TG: variants seen among roughly 807,000 people sequenced by gnomAD.
TG encodes the protein thyroid hormones.
In TG, 270 loss-of-function variants were observed where a neutral mutation model predicts 324.7. The ratio of observed to expected loss-of-function variants is 0.83; its 90% CI spans 0.75 to 0.92. TG has a LOEUF of 0.92. Among genes scored for constraint, TG ranks in the 40% least tolerant of loss-of-function variants. The pLI, the probability that TG is intolerant of heterozygous loss-of-function variation, is 0.00. For synonymous variants in TG, 1,401 were observed against 1,327.0 expected (o/e 1.06, Z -1.21); for missense variants, 3,591 against 3,456.4 (o/e 1.04, Z -0.98).
Position 132,893,948 on chromosome 8 carries a change from A to G in TG, c.3001+19A>G, listed in dbSNP as rs114179416. On this transcript the variant is annotated intron_variant, in intron 11 of 47. Coordinates refer to ENST00000220616, the MANE Select transcript of TG (RefSeq NM_003235.5). ...CAGTCTAGTGAGTGTGGTGCCCTTCAGCTTTCTTACTGCATCGCTTTGGAA... is the reference window on the plus strand; with the variant it reads ...CAGTCTAGTGAGTGTGGTGCCCTTCGGCTTTCTTACTGCATCGCTTTGGAA... The G allele has an allele frequency of 3.4e-3, 5,472 of 1,613,956 alleles. 170 individuals are homozygous for G. In the African/African-American group the frequency reaches 0.064, roughly 19 times the overall value.
intron 43 of TG, among the ~76,000 whole-genome samples, chr8:133,104,899 C>CA (rs1302688718): frequency 6.6e-6 from 1 of 152,214 alleles, no homozygotes; most frequent in African/African-American, 2.4e-5. Context: ...CAGCTGACCC[C>CA]ACTGACTTCA....
At chr8:133,035,077 T>G (rs1403027246) in intron 41 of TG, among the ~76,000 whole-genome samples, 1 of 152,224 alleles carries the variant, frequency 6.6e-6, no homozygotes, top group Non-Finnish European at 1.5e-5. Context: ...TCTACCTTCT[T>G]CCCGTTTCCT....
intron 41 of TG, chr8:133,063,808 A>C (rs1362052313): frequency 6.6e-6 from 1 of 152,230 alleles, no homozygotes; most frequent in Non-Finnish European, 1.5e-5. Flanking sequence ...GTCTTCAAGA[A>C]GGAGTTAACT....
At chr8:132,913,902 C>T (rs537395148) in intron 20 of TG, among the ~76,000 whole-genome samples, 1 of 152,344 alleles carries the variant, frequency 6.6e-6, no homozygotes, top group South Asian at 2.1e-4. Flanking sequence ...TTGGCAGGGC[C>T]TGCAGTCCTC....
chr8:133,093,863 A>T (rs1293489892), intron 41 of TG, among the ~76,000 whole-genome samples: 2 of 152,220 alleles, frequency 1.3e-5, no homozygotes, highest in Non-Finnish European at 2.9e-5. Flanking sequence ...AGTAAGAGCA[A>T]CCGACTTATA....
chr8:133,092,233 GGCGCAGGCCCTGACTCCGAA>G (rs1847670303), intron 41 of TG, among the ~76,000 whole-genome samples: 1 of 152,232 alleles, frequency 6.6e-6, no homozygotes, highest in Admixed American at 6.5e-5. Flanking sequence ...TGCTTGGCCA[GGCGCAGGCCCTGACTCCGAA>G]GCAACTACAG....
At chr8:132,930,597 G>T (rs923454926) in intron 23 of TG, among the ~76,000 whole-genome samples, 57 of 151,854 alleles carry the variant, frequency 3.8e-4, no homozygotes, top group African/African-American at 1.3e-3. Flanking sequence ...CAGGAGAATT[G>T]CTTGAACCTG....
At chr8:132,893,008 GGTGT>G (rs199585572) in intron 10 of TG, among the ~76,000 whole-genome samples, 3 of 145,724 alleles carry the variant, frequency 2.1e-5, no homozygotes, top group Admixed American at 6.8e-5. Flanking sequence ...GTATGTGGGT[GGTGT>G]GTGTGTGTGT....
At chr8:132,963,398 GC>G (rs1234832084) in intron 29 of TG, among the ~76,000 whole-genome samples, 2 of 152,176 alleles carry the variant, frequency 1.3e-5, no homozygotes, top group Non-Finnish European at 2.9e-5. Context: ...ACTTATGTCA[GC>G]CCTGAAAAGT....
chr8:132,968,076 A>G (rs1828892485), intron 31 of TG, 106 bp downstream of exon 31: 1 of 1,363,406 alleles, frequency 7.3e-7, no homozygotes, highest in Admixed American at 2.0e-5. Context: ...CATTTTCTTT[A>G]TACTTTTATT....
intron 5 of TG, among the ~76,000 whole-genome samples, chr8:132,874,333 T>C (rs1839767162): frequency 6.6e-6 from 1 of 152,180 alleles, no homozygotes; most frequent in Non-Finnish European, 1.5e-5. Flanking sequence ...AAAATGTAAA[T>C]AATGAATATA....
chr8:132,937,435 AGAGTTTGCC>A (rs1281758068), intron 25 of TG, among the ~76,000 whole-genome samples: 1 of 152,144 alleles, frequency 6.6e-6, no homozygotes, highest in Non-Finnish European at 1.5e-5. Context: ...CACTTCACAA[AGAGTTTGCC>A]TGGGAGATTG....
At chr8:133,029,687 A>G in intron 40 of TG, 134 bp from the exon 41 acceptor site, 1 of 1,049,748 alleles carries the variant, frequency 9.5e-7, no homozygotes, top group South Asian at 1.3e-5. Flanking sequence ...TGGAACCCAC[A>G]GTCTCTACCT....
chr8:132,955,833 T>A (rs1368113750), intron 27 of TG, among the ~76,000 whole-genome samples: 1 of 152,148 alleles, frequency 6.6e-6, no homozygotes, highest in African/African-American at 2.4e-5. Context: ...CAGCGCATGA[T>A]CTCCTCAGAA....
intron 44 of TG, among the ~76,000 whole-genome samples, chr8:133,115,858 G>A (rs552045127): frequency 2.6e-5 from 4 of 152,222 alleles, no homozygotes; most frequent in Admixed American, 6.5e-5. Flanking sequence ...TTCTGAAATC[G>A]ATTCATGCTA....
chr8:133,064,307 A>G (rs979560917), intron 41 of TG: 3 of 152,236 alleles, frequency 2.0e-5, no homozygotes, highest in Non-Finnish European at 4.4e-5. Flanking sequence ...CGTTTTTCAA[A>G]TGAAGTCCTA....
chr8:133,061,527 A>G (rs1409208089), intron 41 of TG, among the ~76,000 whole-genome samples: 1 of 152,238 alleles, frequency 6.6e-6, no homozygotes, highest in Non-Finnish European at 1.5e-5. Context: ...ATAGATTATC[A>G]GAGAATAGGG....
intron 23 of TG, among the ~76,000 whole-genome samples, chr8:132,930,418 C>T (rs183823486): frequency 2.0e-5 from 3 of 152,300 alleles, no homozygotes; most frequent in East Asian, 3.9e-4. Flanking sequence ...TGGTAGCTCA[C>T]GCCTCTAATC....
intron 44 of TG, 138 bp downstream of exon 44, chr8:133,113,741 A>G: frequency 9.8e-7 from 1 of 1,024,954 alleles, no homozygotes; most frequent in Admixed American, 2.1e-5. Flanking sequence ...CATTCAGCCT[A>G]CAGCATGGGG....
Sources: gnomAD v4.1 joint callset for allele counts (sites outside exome capture counted in the v4.1 genomes callset) on GRCh38, gnomAD v4.1.1 for gene constraint, MANE v1.5 for transcripts, NCBI Gene and HGNC (gene_info 2026-07-23, HGNC 2026-07-21) for gene names.